Variants in SPAG9 observed in about 807,000 individuals in gnomAD.
SPAG9 encodes C-Jun-amino-terminal kinase-interacting protein 4.
Under a neutral mutation model 166.5 loss-of-function variants are expected in SPAG9, and 35 were observed. The observed-to-expected ratio is 0.21, with a 90% confidence interval of 0.16 to 0.28. SPAG9 has a LOEUF of 0.28. Ranked by LOEUF, SPAG9 falls within the 10% of genes least tolerant of loss-of-function variation. The pLI is 1.00. For missense variants in SPAG9, 1,235 were observed against 1,603.3 expected (o/e 0.77, Z 3.92); for synonymous variants, 534 against 565.5 (o/e 0.94, Z 0.79).
chr17:51,010,578 A>ATATAT (rs200072916), intron 9 of SPAG9, among the ~76,000 whole-genome samples: 5 of 141,684 alleles, frequency 3.5e-5, no homozygotes, highest in African/African-American at 1.3e-4. Flanking sequence ...GAAAAAAAAA[A>ATATAT]AAAAATATAT....
intron 28 of SPAG9, among the ~76,000 whole-genome samples, chr17:50,972,511 C>G (rs1340321363): frequency 2.6e-5 from 4 of 152,098 alleles, no homozygotes; most frequent in African/African-American, 4.8e-5. Flanking sequence ...AGAGAGAAAC[C>G]TTTAAATATT....
intron 28 of SPAG9, among the ~76,000 whole-genome samples, chr17:50,971,309 AAAAC>A (rs138130404): frequency 0.58 from 86,812 of 149,698 alleles, 25,515 homozygotes; most frequent in East Asian, 0.77. Flanking sequence ...TTGCTTCTAA[AAAAC>A]AAACAAACAA....
intron 5 of SPAG9, chr17:51,031,941 C>A (rs542710832): frequency 1.5e-6 from 1 of 660,980 alleles, no homozygotes; most frequent in East Asian, 3.0e-5. Context: ...CCACTTGGAT[C>A]AGTGTCTTAT....
intron 1 of SPAG9, among the ~76,000 whole-genome samples, chr17:51,082,377 C>CAAAAAAA (rs773287286): frequency 4.1e-5 from 2 of 48,942 alleles, no homozygotes; most frequent in African/African-American, 1.5e-4. Context: ...AAGACTGTCT[C>CAAAAAAA]AAAAAAAAAA....
At chr17:50,976,928 T>G in intron 27 of SPAG9, 180 bp downstream of exon 27, 1 of 515,210 alleles carries the variant, frequency 1.9e-6, no homozygotes, top group Admixed American at 3.5e-5. Flanking sequence ...TTATGAGTAT[T>G]GGTCTTGATA....
At chr17:50,993,338 T>C (rs1329306741) in intron 19 of SPAG9, among the ~76,000 whole-genome samples, 1 of 131,974 alleles carries the variant, frequency 7.6e-6, no homozygotes, top group East Asian at 2.2e-4. Flanking sequence ...AAAAAAAAAG[T>C]AGAACTCATA....
chr17:50,964,021 T>C lies in SPAG9; in HGVS notation c.*2251A>G, dbSNP rs1158878815. ...TGTACACAATGTGCTTATAGTCACA[T>C]GTGGCCCAATGGATCCAAATGCCTC... On this transcript the variant is annotated 3_prime_UTR_variant, in exon 30 of 30. Transcript: ENST00000262013. 1 of 152,240 alleles carries C rather than the reference T, an allele frequency of 6.6e-6. No homozygotes were observed. The highest frequency in any genetic ancestry group is 1.5e-5 in the Non-Finnish European group (1 of 68,044). 9.4% of individuals were successfully genotyped at this position (152,240 alleles called of 1,614,324 possible).
chr17:51,075,661 A>G (rs1315301644), intron 2 of SPAG9, among the ~76,000 whole-genome samples: 1 of 152,078 alleles, frequency 6.6e-6, no homozygotes, highest in African/African-American at 2.4e-5. Flanking sequence ...CCATCTCTAC[A>G]AAAAGTTTTA....
rs866409194 is a variant in SPAG9 at position 50,985,772 on chromosome 17, A to G, written c.2946T>C (p.Tyr982=). 2 of 1,595,718 alleles carry G rather than the reference A, an allele frequency of 1.3e-6. No individual in the cohort carries two copies. The highest frequency in any genetic ancestry group is 1.7e-4 in the Middle Eastern group (1 of 6,030). Residue 982 remains tyrosine, a synonymous_variant, in exon 23 of 30, where the codon TAT becomes TAC. Coordinates refer to ENST00000262013, the MANE Select transcript of SPAG9 (RefSeq NM_001130528.3). ...TCCACTGGGCTACAGATGAATGGAC[A>G]TACAAACTGTAAGAACAAAGTCAAC... ...MWLGAQNGCL[Y]VHSSVAQWRK... is the part of the protein sequence containing the mutation.
intron 9 of SPAG9, among the ~76,000 whole-genome samples, chr17:51,008,549 T>C (rs901574421): frequency 2.8e-4 from 43 of 152,028 alleles, no homozygotes; most frequent in African/African-American, 1.0e-3. Flanking sequence ...CATGTCCCTT[T>C]ATTTTAAAAA....
rs373991891 is a variant in SPAG9 at position 51,096,182 on chromosome 17, C to T, written c.304-16478G>A. Among the ~76,000 whole-genome samples, 830 of 150,832 alleles carry T rather than the reference C, an allele frequency of 5.5e-3. 5 individuals are homozygous for T. The highest frequency in any genetic ancestry group is 0.019 in the African/African-American group (767 of 41,120). On this transcript the variant is annotated intron_variant, in intron 1 of 29. Transcript: ENST00000262013. ...TCAACATGGTAAAACCCTGACTCTA[C>T]TAAAAACACAAAAATCAGCCAGACA... is the stretch of plus-strand genomic sequence containing the variant.
At chr17:51,056,239 A>G (rs2047359752) in intron 3 of SPAG9, among the ~76,000 whole-genome samples, 173 bp downstream of exon 3, 1 of 152,204 alleles carries the variant, frequency 6.6e-6, no homozygotes, top group Non-Finnish European at 1.5e-5. Flanking sequence ...AGAAAAGTTG[A>G]CATTTGGTAA....
intron 9 of SPAG9, among the ~76,000 whole-genome samples, chr17:51,013,564 A>G (rs985891717): frequency 6.6e-6 from 1 of 152,206 alleles, no homozygotes; most frequent in African/African-American, 2.4e-5. Context: ...GATTTGGCCC[A>G]TAAGCGGCAG....
At chr17:51,054,290 A>G (rs898184957) in intron 3 of SPAG9, among the ~76,000 whole-genome samples, 4 of 150,510 alleles carry the variant, frequency 2.7e-5, no homozygotes, top group Admixed American at 6.6e-5. Context: ...CTATTTTTGT[A>G]TATATTTTTT....
At chr17:51,022,943 A>AAATAATAATAAT (rs369538903) in intron 6 of SPAG9, among the ~76,000 whole-genome samples, 3,835 of 143,144 alleles carry the variant, frequency 0.027, 74 homozygotes, top group East Asian at 0.042. Context: ...CTCCATCTCA[A>AAATAATAATAAT]AATAATAATA....
At chr17:51,088,797 CAAA>C (rs78606534) in intron 1 of SPAG9, among the ~76,000 whole-genome samples, 1 of 136,868 alleles carries the variant, frequency 7.3e-6, no homozygotes, top group Non-Finnish European at 1.6e-5. Context: ...GACTCCGTCT[CAAA>C]AAAAAAAATG....
intron 27 of SPAG9, 22 bp from the exon 28 acceptor site, chr17:50,974,969 C>T (rs773376524): frequency 4.4e-6 from 7 of 1,605,512 alleles, no homozygotes; most frequent in African/African-American, 4.0e-5. Flanking sequence ...AAACCAAATA[C>T]CAAATATTTT....
chr17:51,054,997 G>T (rs1213152445), intron 3 of SPAG9, among the ~76,000 whole-genome samples: 1 of 152,046 alleles, frequency 6.6e-6, no homozygotes, highest in African/African-American at 2.4e-5. Context: ...TGTGTGGTGG[G>T]GTTTTCTGTT....
chr17:50,991,457 A>G (rs924032210), intron 19 of SPAG9, among the ~76,000 whole-genome samples: 1 of 151,944 alleles, frequency 6.6e-6, no homozygotes, highest in Non-Finnish European at 1.5e-5. Flanking sequence ...TCATTTTTTA[A>G]TTTAGAAAAT....
Sources: gnomAD v4.1 joint callset for allele counts (sites outside exome capture counted in the v4.1 genomes callset) on GRCh38, gnomAD v4.1.1 for gene constraint, MANE v1.5 for transcripts, NCBI Gene and HGNC (gene_info 2026-07-23, HGNC 2026-07-21) for gene names.